NFIB: variants seen among roughly 807,000 people sequenced by gnomAD.
NFIB encodes the protein nuclear factor 1 B-type.
NFIB carries 11 observed loss-of-function variants against 61.5 expected under a neutral mutation model. The ratio of observed to expected loss-of-function variants is 0.18; its 90% confidence interval spans 0.11 to 0.30. NFIB has a LOEUF of 0.30. NFIB is among the 10% of genes least tolerant of loss of function. The probability of loss-of-function intolerance (pLI) is 1.00; values close to 1 mark genes in which losing one functional copy is unlikely to be tolerated. For missense variants in NFIB, 471 were observed against 608.9 expected, an observed-to-expected ratio of 0.77 and a Z score of 2.38; for synonymous variants, 260 against 216.5, an observed-to-expected ratio of 1.20 and a Z score of -1.76.
chr9:14,275,991 A>G (rs2132379299), intron 2 of NFIB, among the ~76,000 whole-genome samples: 1 of 152,304 alleles, frequency 6.6e-6, no homozygotes, highest in East Asian at 1.9e-4. Flanking sequence ...GAGTCTCTCA[A>G]GCATATATGG....
At chr9:14,317,534 G>A (rs1387074975), upstream of NFIB, among the ~76,000 whole-genome samples, 1 of 152,216 alleles carries the variant, frequency 6.6e-6, no homozygotes, top group Non-Finnish European at 1.5e-5. Flanking sequence ...TAGGAGTATG[G>A]TGAGGCGAGG....
rs570943246 is a variant in NFIB, at chr9:14,236,130, AG to A, written c.563-56351del. 2.5e-4 allele frequency among the ~76,000 whole-genome samples: 38 copies of A among 152,312 alleles called. No homozygotes were observed. The South Asian group carries it at 7.5e-3, about 30-fold the overall frequency. On this transcript the variant is annotated intron_variant, in intron 2 of 10. Transcript: ENST00000380953. ...TTCCTACAACAAAGCCCCTTAACAA[AG>A]ACATGTGTACGCATTATAGCTACCA...
intron 2 of NFIB, among the ~76,000 whole-genome samples, chr9:14,294,435 A>G (rs1204341001): frequency 6.6e-6 from 1 of 152,250 alleles, no homozygotes; most frequent in African/African-American, 2.4e-5. Context: ...TTTCAAATAC[A>G]TTAGAAAGAC....
In NFIB at chr9:14,221,633, G is replaced by C. The variant is rs180999955; in HGVS notation, c.563-41853C>G. On this transcript the variant is annotated intron_variant, in intron 2 of 10. Transcript: ENST00000380953. ...GTCCTGTCTTCTGACCTTTACTTAAGTAATGCTCATGTCCTCTCCATAACT... is the reference window on the plus strand; with the variant it reads ...GTCCTGTCTTCTGACCTTTACTTAACTAATGCTCATGTCCTCTCCATAACT... Among the ~76,000 whole-genome samples, 420 of 152,242 alleles carry C rather than the reference G, an allele frequency of 2.8e-3. 2 individuals carry two copies. Among genetic ancestry groups the C allele is most frequent in the African/African-American group, 9.2e-3 (381 of 41,536 alleles).
chr9:14,499,315 G>C, the NFIB span, among the ~76,000 whole-genome samples: 2 of 152,250 alleles, frequency 1.3e-5, no homozygotes, highest in African/African-American at 4.8e-5. Flanking sequence ...CAGGAGAGAG[G>C]ACCCAGCCCA....
the NFIB span, among the ~76,000 whole-genome samples, chr9:14,470,409 C>T: frequency 1.3e-5 from 2 of 152,166 alleles, no homozygotes; most frequent in South Asian, 4.1e-4. Flanking sequence ...GCTTCATGAT[C>T]TCACTTCCAA....
chr9:14,530,905 G>GA, the NFIB span, among the ~76,000 whole-genome samples: 1 of 149,138 alleles, frequency 6.7e-6, no homozygotes, highest in Non-Finnish European at 1.5e-5. Context: ...GCAAAAAGAA[G>GA]AAAAAAAAAG....
intron 1 of NFIB, among the ~76,000 whole-genome samples, chr9:14,383,753 G>A (rs1222272847): frequency 1.3e-5 from 2 of 152,126 alleles, no homozygotes; most frequent in African/African-American, 2.4e-5. Context: ...AGATTTACAT[G>A]GGATCATCTC....
chr9:14,456,147 A>C, the NFIB span, among the ~76,000 whole-genome samples: 1 of 152,116 alleles, frequency 6.6e-6, no homozygotes, highest in East Asian at 1.9e-4. Context: ...AATATTGGTG[A>C]TTTCATATGA....
At chr9:14,132,627 G>A (rs1308626016) in intron 6 of NFIB, among the ~76,000 whole-genome samples, 1 of 151,854 alleles carries the variant, frequency 6.6e-6, no homozygotes, top group Admixed American at 6.6e-5. Flanking sequence ...GGCTGCAGTG[G>A]CACAATCATG....
intron 2 of NFIB, among the ~76,000 whole-genome samples, chr9:14,211,023 G>A (rs1320759181): frequency 6.6e-6 from 1 of 152,040 alleles, no homozygotes; most frequent in Non-Finnish European, 1.5e-5. Flanking sequence ...TCTCTGTTTG[G>A]ACTGAAAGCC....
chr9:14,528,596 G>A, the NFIB span, among the ~76,000 whole-genome samples: 23 of 152,080 alleles, frequency 1.5e-4, no homozygotes, highest in Non-Finnish European at 3.2e-4. Context: ...TACCCTTCAT[G>A]ATTAAAGTAA....
In NFIB at chr9:14,084,069, CTT is replaced by C. The variant is rs1205500986; in HGVS notation, c.*4238_*4239del. 4.8e-6 allele frequency: 1 copy of C among 207,782 alleles called. No homozygotes were observed. Among genetic ancestry groups the C allele is most frequent in the Non-Finnish European group, 9.8e-6 (1 of 101,846 alleles). 12.9% of individuals were successfully genotyped at this position (207,782 alleles called of 1,614,324 possible). The stretch of plus-strand genomic sequence containing the variant: ...AAAATATAACTTTTCTCCATTTACA[CTT>C]TTTTAAAGGATTAGTATCCTATGCT... On this transcript the variant is annotated 3_prime_UTR_variant, in exon 11 of 11. Coordinates refer to ENST00000380953, the MANE Select transcript of NFIB (RefSeq NM_001190737.2).
At chr9:14,305,770 G>C (rs1588244489) in intron 2 of NFIB, 1 of 300,764 alleles carries the variant, frequency 3.3e-6, no homozygotes, top group East Asian at 4.9e-5. Flanking sequence ...GAATAATAAA[G>C]CTCATAGCAG....
At chr9:14,118,907 T>C (rs571623245) in intron 8 of NFIB, among the ~76,000 whole-genome samples, 90 of 151,608 alleles carry the variant, frequency 5.9e-4, no homozygotes, top group African/African-American at 2.2e-3. Flanking sequence ...GAAATTGAAA[T>C]ATACGTAAAA....
At position 14,222,576 on chromosome 9, in the gene NFIB, G is replaced by A. The variant is rs185765349; in HGVS notation, c.563-42796C>T. ...CCAGCACTTTGGGAGGCCAAAATGG[G>A]AGGCTCAGTTGAGCCTAGGAGTTCG... On this transcript the variant is annotated intron_variant, in intron 2 of 10. Coordinates refer to ENST00000380953, the MANE Select transcript of NFIB (RefSeq NM_001190737.2). Among the ~76,000 whole-genome samples, 11 of 152,124 alleles carry A rather than the reference G, an allele frequency of 7.2e-5. No homozygotes were observed. In the East Asian group the frequency reaches 1.2e-3, roughly 16 times the overall value.
chr9:14,388,039 C>T (rs1379452916), intron 1 of NFIB, among the ~76,000 whole-genome samples: 1 of 151,966 alleles, frequency 6.6e-6, no homozygotes, highest in African/African-American at 2.4e-5. Flanking sequence ...AGAAGATGTA[C>T]AAAAATGTGT....
chr9:14,150,196 T>C lies in NFIB; in HGVS notation c.755A>G (p.Asp252Gly). ...GEIPSQPYYH[D>G]MNSGVNLQRS... ...CTGAAGATTGACCCCCGAGTTCATG[T>C]CATGATAGTATGGTTGGCTTGGGAT... Residue 252 changes from aspartate to glycine, a missense_variant, in exon 5 of 11, where the codon GAC becomes GGC. By Grantham distance (94) the Asp-to-Gly change is moderately conservative. This residue lies in a region of NFIB where 372 missense variants were observed against 395.6 expected (regional missense o/e 0.94). Transcript: ENST00000380953. 6.2e-7 allele frequency: 1 copy of C among 1,613,582 alleles called. No individual in the cohort carries two copies. Among genetic ancestry groups the C allele is most frequent in the Non-Finnish European group, 8.5e-7 (1 of 1,179,608 alleles).
chr9:14,438,581 G>A, the NFIB span, among the ~76,000 whole-genome samples: 2 of 152,158 alleles, frequency 1.3e-5, no homozygotes, highest in Non-Finnish European at 2.9e-5. Context: ...GAGGTGGAGA[G>A]GGGTTGTTGG....
Sources: gnomAD v4.1 joint callset for allele counts (sites outside exome capture counted in the v4.1 genomes callset) on GRCh38, gnomAD v4.1.1 for gene constraint, gnomAD v4.1.1 regional missense constraint, MANE v1.5 for transcripts, NCBI Gene and HGNC (gene_info 2026-07-23, HGNC 2026-07-21) for gene names.